PTBP3: variants seen among roughly 807,000 people sequenced by gnomAD.
The protein encoded by PTBP3 is polypyrimidine tract-binding protein 3.
Under a neutral mutation model 58.7 loss-of-function variants are expected in PTBP3, and 20 were observed. That is an observed-to-expected ratio of 0.34 (90% CI 0.24 to 0.50). The LOEUF (loss-of-function observed/expected upper bound fraction) is 0.50, where lower values mean the gene tolerates loss of function less well. Among genes scored for constraint, PTBP3 ranks in the 20% least tolerant of loss-of-function variants. The pLI, the probability that PTBP3 is intolerant of heterozygous loss-of-function variation, is 0.98. For missense variants in PTBP3, 509 were observed against 637.2 expected, an observed-to-expected ratio of 0.80 and a Z score of 2.17; for synonymous variants, 185 against 219.8, an observed-to-expected ratio of 0.84 and a Z score of 1.40.
In PTBP3 at chr9:112,297,845, A is replaced by G; in HGVS notation, c.21T>C (p.Ser7=). MNSSTP[S]TGVYANGNDS... ...AAAAAAACTCACCATACACACCTGT[A>G]GAAGGAGTAGAACTATTCATGGTAA... The change falls in exon 2 of 14, where the codon TCT becomes TCC. Residue 7 remains serine (S), a synonymous_variant. Coordinates refer to ENST00000374257, the MANE Select transcript of PTBP3 (RefSeq NM_001163788.4). 1.3e-6 allele frequency: 2 copies of G among 1,599,894 alleles called. No homozygotes were observed. Among genetic ancestry groups the G allele is most frequent in the Non-Finnish European group, 1.7e-6 (2 of 1,173,432 alleles).
chr9:112,331,082 A>AACACACACACACACACACAC (rs10660591), intron 1 of PTBP3, among the ~76,000 whole-genome samples: 2 of 139,434 alleles, frequency 1.4e-5, no homozygotes, highest in Non-Finnish European at 1.6e-5. Context: ...GGAGGAAACG[A>AACACACACACACACACACAC]ACACACACAC....
At chr9:112,308,212 G>C (rs1587869217) in intron 1 of PTBP3, among the ~76,000 whole-genome samples, 1 of 151,792 alleles carries the variant, frequency 6.6e-6, no homozygotes, top group East Asian at 1.9e-4. Flanking sequence ...TTTTTTGTAG[G>C]GATGTGGTCT....
chr9:112,244,063 AG>A (rs1158406050), intron 7 of PTBP3, among the ~76,000 whole-genome samples: 1 of 151,968 alleles, frequency 6.6e-6, no homozygotes, highest in Admixed American at 6.6e-5. Flanking sequence ...ACACTTTGGG[AG>A]GCCGAGACAG....
intron 1 of PTBP3, among the ~76,000 whole-genome samples, chr9:112,320,291 A>AAATATATATATATATATATAT (rs1411646280): frequency 2.7e-5 from 2 of 73,566 alleles, no homozygotes; most frequent in African/African-American, 9.0e-5. Flanking sequence ...AAAAAAAAAA[A>AAATATATATATATATATATAT]ATATATATAT....
chr9:112,342,474 T>C, the PTBP3 span, among the ~76,000 whole-genome samples: 1 of 152,198 alleles, frequency 6.6e-6, no homozygotes, highest in Non-Finnish European at 1.5e-5. Context: ...CCCAACACTT[T>C]GGGAGGCCGA....
chr9:112,369,172 T>A, the PTBP3 span, among the ~76,000 whole-genome samples: 1 of 152,182 alleles, frequency 6.6e-6, no homozygotes, highest in African/African-American at 2.4e-5. Context: ...GAAGGGAAAT[T>A]TGGGGTGGAA....
chr9:112,281,781 G>A (rs1173785424), intron 2 of PTBP3, among the ~76,000 whole-genome samples: 1 of 151,380 alleles, frequency 6.6e-6, no homozygotes, highest in Admixed American at 6.6e-5. Flanking sequence ...GTCTTTCAAA[G>A]AATTTGTGCA....
the PTBP3 span, among the ~76,000 whole-genome samples, chr9:112,349,676 T>C: frequency 4.0e-3 from 606 of 151,850 alleles, 2 homozygotes; most frequent in Non-Finnish European, 7.2e-3. Flanking sequence ...CTGGCCAACA[T>C]GGTGAAACCC....
chr9:112,333,463 T>C lies in PTBP3; in HGVS notation c.-52+7A>G, dbSNP rs7040447. 0.8 allele frequency: 1,275,258 copies of C among 1,586,678 alleles called. 514,482 individuals are homozygous for C. The highest frequency in any genetic ancestry group is 0.93 in the African/African-American group (66,699 of 71,938). On this transcript the variant is annotated splice_region_variant and intron_variant, in intron 1 of 13. Coordinates refer to ENST00000374257, the MANE Select transcript of PTBP3 (RefSeq NM_001163788.4). ...CCGGTGCGGCCGCCGCGCCGCCTAGTACTTACCCATCCATGGCCCAGATGG... is the reference window on the plus strand; with the variant it reads ...CCGGTGCGGCCGCCGCGCCGCCTAGCACTTACCCATCCATGGCCCAGATGG...
In PTBP3 at chr9:112,223,017, GATT is replaced by G. The variant is rs1834856711; in HGVS notation, c.*831_*833del. The stretch of plus-strand genomic sequence containing the variant: ...TTATAAAAAAGTAGTTTATAAGTAG[GATT>G]ATTTTTCTTTAAAATTTTCCAAGAT... On this transcript the variant is annotated 3_prime_UTR_variant, in exon 14 of 14. Coordinates refer to ENST00000374257, the MANE Select transcript of PTBP3 (RefSeq NM_001163788.4). The G allele has an allele frequency of 9.4e-6, 8 of 848,182 alleles. No individual in the cohort carries two copies. Among genetic ancestry groups the G allele is most frequent in the Non-Finnish European group, 9.9e-6 (7 of 704,930 alleles). 52.5% of individuals were successfully genotyped at this position (848,182 alleles called of 1,614,324 possible).
intron 1 of PTBP3, chr9:112,330,577 C>A (rs1238284773): frequency 2.8e-6 from 2 of 711,220 alleles, no homozygotes; most frequent in Non-Finnish European, 2.3e-6. Context: ...ATTATAATAA[C>A]AAATAATAAA....
Position 112,234,889 on chromosome 9 carries a change from C to G in PTBP3, c.811G>C (p.Gly271Arg). The change falls in exon 8 of 14, where the codon GGT becomes CGT. Residue 271 changes from glycine to arginine, a missense_variant. Gly to Arg is a moderately radical substitution (Grantham distance 125). Around this residue, in one of 4 missense-constraint regions of PTBP3, gnomAD observed 121 missense variants for 114.8 expected, o/e 1.05. Transcript: ENST00000374257. ...CCTGCATATGGTGAAGAAATTATAC[C>G]CGGTGCACCTAATGGGAAAGAGAAG... Reference protein sequence around the residue: ...PPMAAAFGAPGIISSPYAGAA... With the variant: ...PPMAAAFGAPRIISSPYAGAA... The G allele has an allele frequency of 6.2e-7, 1 of 1,611,878 alleles. No individual in the cohort carries two copies. The highest frequency in any genetic ancestry group is 1.7e-5 in the Admixed American group (1 of 59,864).
the PTBP3 span, among the ~76,000 whole-genome samples, chr9:112,345,051 T>A: frequency 6.6e-6 from 1 of 152,042 alleles, no homozygotes; most frequent in South Asian, 2.1e-4. Flanking sequence ...GAGAATTGCT[T>A]AAACTGGGAA....
rs1329275015 is a variant in PTBP3 at position 112,219,943 on chromosome 9, G to C, written c.*3908C>G. ...AGATAACAACACAACTCTTTTAAAA[G>C]ACAGCTGAGTTATATTTTCAAATTT... On this transcript the variant is annotated 3_prime_UTR_variant, in exon 14 of 14. Coordinates refer to ENST00000374257, the MANE Select transcript of PTBP3 (RefSeq NM_001163788.4). The C allele has an allele frequency of 4.5e-6, 2 of 446,488 alleles. No homozygotes were observed. The highest frequency in any genetic ancestry group is 6.2e-6 in the Non-Finnish European group (2 of 320,664). The allele number at this position is 446,488 out of a possible 1,614,324, so 27.7% of individuals were successfully genotyped here. A position where few individuals can be genotyped will look rare whatever the true frequency, so the allele number is the denominator to read the frequency against.
chr9:112,283,503 C>CA (rs1827970213), intron 2 of PTBP3, among the ~76,000 whole-genome samples: 1 of 152,136 alleles, frequency 6.6e-6, no homozygotes, highest in Admixed American at 6.5e-5. Flanking sequence ...ACTCTGAACT[C>CA]AGATGATTTA....
Position 112,222,132 on chromosome 9 carries a change from A to G in PTBP3, c.*1719T>C, listed in dbSNP as rs1338826788. The G allele has an allele frequency of 4.1e-6, 4 of 985,702 alleles. No individual in the cohort carries two copies. The highest frequency in any genetic ancestry group is 1.7e-5 in the African/African-American group (1 of 57,248). 61.1% of individuals were successfully genotyped at this position (985,702 alleles called of 1,614,324 possible). A position where few individuals can be genotyped will look rare whatever the true frequency, so the allele number is the denominator to read the frequency against. On this transcript the variant is annotated 3_prime_UTR_variant, in exon 14 of 14. Transcript: ENST00000374257. ...ATTCTTTATTCTTTTAAAAGTTGAGATGAGACACTTTGAGAATCTGAAAAG... is the reference window on the plus strand; with the variant it reads ...ATTCTTTATTCTTTTAAAAGTTGAGGTGAGACACTTTGAGAATCTGAAAAG...
At chr9:112,299,577 T>C (rs1387439606) in intron 1 of PTBP3, among the ~76,000 whole-genome samples, 1 of 152,200 alleles carries the variant, frequency 6.6e-6, no homozygotes, top group Non-Finnish European at 1.5e-5. Flanking sequence ...CAAGAGACTT[T>C]AACAGCCATC....
upstream of PTBP3, among the ~76,000 whole-genome samples, chr9:112,337,797 C>T (rs1190160523): frequency 6.6e-6 from 1 of 152,204 alleles, no homozygotes; most frequent in African/African-American, 2.4e-5. Flanking sequence ...GAACACTTGC[C>T]TTAAGGCATT....
At chr9:112,306,094 A>G (rs1317752360) in intron 1 of PTBP3, among the ~76,000 whole-genome samples, 4 of 152,220 alleles carry the variant, frequency 2.6e-5, no homozygotes, top group African/African-American at 4.8e-5. Flanking sequence ...ACCTTGTCTC[A>G]TAACATCACA....
Sources: gnomAD v4.1 joint callset for allele counts (sites outside exome capture counted in the v4.1 genomes callset) on GRCh38, gnomAD v4.1.1 for gene constraint, gnomAD v4.1.1 regional missense constraint, MANE v1.5 for transcripts, NCBI Gene and HGNC (gene_info 2026-07-23, HGNC 2026-07-21) for gene names.